MYRF: variants seen among roughly 807,000 people sequenced by gnomAD.
MYRF encodes myelin regulatory factor.
Under a neutral mutation model 126.3 loss-of-function variants are expected in MYRF, and 16 were observed. The ratio of observed to expected loss-of-function variants is 0.13; its 90% CI spans 0.09 to 0.19. MYRF has a LOEUF of 0.19. Among genes scored for constraint, MYRF ranks in the 10% least tolerant of loss-of-function variants. The pLI is 1.00. For synonymous variants in MYRF, 608 were observed against 635.3 expected (o/e 0.96, Z 0.65); for missense variants, 1,104 against 1,547.0 (o/e 0.71, Z 4.80).
intron 25 of MYRF, chr11:61,785,259 G>A (rs188227656): frequency 2.6e-5 from 4 of 156,636 alleles, no homozygotes; most frequent in Admixed American, 1.9e-4. Context: ...CATGGTGCTC[G>A]GGCCTGAAAC....
chr11:61,762,730 G>A (rs1052498758), intron 1 of MYRF, among the ~76,000 whole-genome samples: 2 of 152,182 alleles, frequency 1.3e-5, no homozygotes, highest in Non-Finnish European at 1.5e-5. Flanking sequence ...AGACGACGCG[G>A]CCTCCAGGGC....
rs1472788484 is a variant in MYRF, at chr11:61,776,790, C to T, written c.1503C>T (p.Tyr501=). 6.3e-7 allele frequency: 1 copy of T among 1,598,180 alleles called. No homozygotes were observed. ...KKGKPNPDQR[Y]FMLVVALQAH... ...CTGAGACCCCTGTGTGTCCCAGGTA[C>T]TTCATGCTGGTGGTGGCCCTCCAGG... Residue 501 remains tyrosine (Y), a synonymous_variant, in exon 11 of 27, where the codon TAC becomes TAT. Transcript: ENST00000278836. This position sits in a 1 kb window ranked among gnomAD's most constrained non-coding sequence, Gnocchi z 4.3.
Position 61,786,146 on chromosome 11 carries a change from T to G in MYRF, c.*3T>G. ...ACTTCTACCGCCTGTGTGACTGAGC[T>G]GCCCTCCTGAGGCAGCACCACACCA... On this transcript the variant is annotated 3_prime_UTR_variant, in exon 27 of 27. Transcript: ENST00000278836. The surrounding 1 kb of genome is among the most constrained non-coding windows in gnomAD (Gnocchi z 4.5). The G allele has an allele frequency of 1.2e-6, 2 of 1,614,090 alleles. No individual in the cohort carries two copies. Among genetic ancestry groups the G allele is most frequent in the Non-Finnish European group, 1.7e-6 (2 of 1,179,930 alleles).
chr11:61,785,974 G>C (rs912157643), intron 26 of MYRF, 89 bp from the exon 27 acceptor site: 65 of 1,556,434 alleles, frequency 4.2e-5, no homozygotes, highest in African/African-American at 5.4e-5. Context: ...GGTAGGGCTG[G>C]GGGCACAGTG....
In MYRF at chr11:61,780,950, TC is replaced by T; in HGVS notation, c.2487-6del. ...AGCCCCTCTGAGCTCAGCCCATCCT[TC>T]CCCAGCAGGTCCAGCCAGAGCTTTG... On this transcript the variant is annotated splice_polypyrimidine_tract_variant and intron_variant, in intron 19 of 26. Coordinates refer to ENST00000278836, the MANE Select transcript of MYRF (RefSeq NM_001127392.3). 6.2e-7 allele frequency: 1 copy of T among 1,608,966 alleles called. No individual in the cohort carries two copies.
chr11:61,785,483 G>A (rs960378483), intron 25 of MYRF: 5 of 382,468 alleles, frequency 1.3e-5, no homozygotes, highest in African/African-American at 1.0e-4. Context: ...ATTGTACTGA[G>A]GATGGGGCTA....
chr11:61,780,763 C>T lies in MYRF; in HGVS notation c.2457C>T (p.Pro819=). ...SCLLALLRPQ[P]PGGSEALCPW... ...TCCTGGCCCTGCTCCGGCCCCAGCC[C>T]CCTGGGGGGAGTGAGGCCTTGTGCC... is the stretch of plus-strand genomic sequence containing the variant. The change falls in exon 19 of 27, where the codon CCC becomes CCT. Residue 819 remains proline, a synonymous_variant. Transcript: ENST00000278836. The T allele has an allele frequency of 6.5e-7, 1 of 1,547,718 alleles. No individual in the cohort carries two copies. The highest frequency in any genetic ancestry group is 8.7e-7 in the Non-Finnish European group (1 of 1,147,160).
Position 61,781,340 on chromosome 11 carries a change from C to G in MYRF, c.2764+11C>G. The G allele has an allele frequency of 6.2e-7, 1 of 1,612,638 alleles. No individual in the cohort carries two copies. The highest frequency in any genetic ancestry group is 1.1e-5 in the South Asian group (1 of 91,076). On this transcript the variant is annotated intron_variant, in intron 21 of 26. Transcript: ENST00000278836. ...GCACCAACCGCTCAGGTAAGGCTTTCTGTGGGCTGGGGCTTGGGGCGGGGG... is the reference window on the plus strand; with the variant it reads ...GCACCAACCGCTCAGGTAAGGCTTTGTGTGGGCTGGGGCTTGGGGCGGGGG...
At position 61,770,256 on chromosome 11, in the gene MYRF, C is replaced by T. The variant is rs2066174911; in HGVS notation, c.471C>T (p.Leu157=). The part of the protein sequence containing the change: ...YSPQQVNEPH[L]LRTITPETLC... ...CCATCTCTCCTGCAGAGCCCCACCT[C>T]CTGCGCACGATAACCCCTGAGACAC... Residue 157 remains leucine (L), a synonymous_variant, in exon 5 of 27, where the codon CTC becomes CTT. Transcript: ENST00000278836. 6.2e-7 allele frequency: 1 copy of T among 1,607,266 alleles called. No homozygotes were observed. The highest frequency in any genetic ancestry group is 1.3e-5 in the African/African-American group (1 of 74,708).
intron 7 of MYRF, 34 bp downstream of exon 7, chr11:61,771,986 G>A: frequency 6.2e-7 from 1 of 1,610,762 alleles, no homozygotes; most frequent in Non-Finnish European, 8.5e-7. Flanking sequence ...ACTCCTCCAG[G>A]CCCCCCCACC....
intron 1 of MYRF, among the ~76,000 whole-genome samples, chr11:61,753,022 T>C (rs891567053): frequency 2.0e-5 from 3 of 152,082 alleles, no homozygotes; most frequent in Admixed American, 1.3e-4. Flanking sequence ...CGCAGCTTCC[T>C]TGGGACTGTG....
intron 25 of MYRF, chr11:61,785,252 G>A (rs2066663225): frequency 6.4e-6 from 1 of 156,584 alleles, no homozygotes; most frequent in African/African-American, 2.4e-5. Context: ...CAGCAGACAT[G>A]GTGCTCGGGC....
chr11:61,762,240 C>CG (rs2065919330), intron 1 of MYRF, among the ~76,000 whole-genome samples: 1 of 151,580 alleles, frequency 6.6e-6, no homozygotes, highest in Non-Finnish European at 1.5e-5. Flanking sequence ...AAAAGGCTGT[C>CG]GGGGGCAGGC....
Position 61,783,324 on chromosome 11 carries a change from T to C in MYRF, c.3017-174T>C. ...CAGGCTCATGGGAACTGGGTAGTCCTAGGGCTGCTGAGGAAAGGGTGTAGT... is the reference window on the plus strand; with the variant it reads ...CAGGCTCATGGGAACTGGGTAGTCCCAGGGCTGCTGAGGAAAGGGTGTAGT... On this transcript the variant is annotated intron_variant, in intron 22 of 26. Transcript: ENST00000278836. The surrounding 1 kb of genome is among the most constrained non-coding windows in gnomAD (Gnocchi z 4.6). The C allele has an allele frequency of 1.7e-6, 1 of 602,628 alleles. No homozygotes were observed. The highest frequency in any genetic ancestry group is 3.0e-6 in the Non-Finnish European group (1 of 332,648). The allele number at this position is 602,628 out of a possible 1,614,324, so 37.3% of individuals were successfully genotyped here.
At chr11:61,755,246 C>A in intron 1 of MYRF, 2 of 865,248 alleles carry the variant, frequency 2.3e-6, no homozygotes, top group South Asian at 1.7e-5. Context: ...TGCCCTGTGC[C>A]GGTGGTGGGC....
chr11:61,765,336 G>C (rs954783486), intron 1 of MYRF, among the ~76,000 whole-genome samples: 1 of 152,210 alleles, frequency 6.6e-6, no homozygotes. Flanking sequence ...CTAGAAAGAG[G>C]CATGGCAGGA....
In MYRF at chr11:61,770,309, T is replaced by C; in HGVS notation, c.524T>C (p.Leu175Pro). ...TLCHVGVPSR[L>P]EHPPPPPAHL... The stretch of plus-strand genomic sequence containing the variant: ...TGCCACGTGGGAGTGCCCTCCCGCC[T>C]GGAGCATCCGCCCCCACCTCCAGCC... The change falls in exon 5 of 27, where the codon CTG becomes CCG. Residue 175 changes from leucine (L) to proline (P), a missense_variant. Physicochemically the swap from Leu to Pro is moderately conservative, Grantham distance 98. Transcript: ENST00000278836. 1 of 1,601,250 alleles carries C rather than the reference T, an allele frequency of 6.2e-7. No homozygotes were observed. Among genetic ancestry groups the C allele is most frequent in the South Asian group, 1.1e-5 (1 of 89,260 alleles).
At chr11:61,772,017 A>T (rs1008099439) in intron 7 of MYRF, 65 bp downstream of exon 7, 56 of 1,594,308 alleles carry the variant, frequency 3.5e-5, no homozygotes, top group Non-Finnish European at 4.6e-5. Context: ...CCAGCCCAGG[A>T]CCCCATCAAG....
chr11:61,769,690 C>G (rs904599386), intron 4 of MYRF, among the ~76,000 whole-genome samples: 91 of 152,210 alleles, frequency 6.0e-4, no homozygotes, highest in African/African-American at 2.1e-3. Flanking sequence ...CCCAGGTGGC[C>G]AAGAGCAGAA....
Sources: allele counts gnomAD v4.1 joint callset (sites outside exome capture counted in the v4.1 genomes callset), GRCh38; gene constraint gnomAD v4.1.1; non-coding constraint Gnocchi (gnomAD v3.1); transcripts MANE v1.5; gene names NCBI Gene and HGNC (gene_info 2026-07-23, HGNC 2026-07-21).